ROR1: variants seen among roughly 807,000 people sequenced by gnomAD.
The protein encoded by ROR1 is inactive tyrosine-protein kinase transmembrane receptor ROR1.
Under a neutral mutation model 78.8 loss-of-function variants are expected in ROR1, and 19 were observed. The observed-to-expected ratio is 0.24, with a 90% CI of 0.17 to 0.35. ROR1 has a LOEUF of 0.35. Ranked by LOEUF, ROR1 falls within the 10% of genes least tolerant of loss-of-function variation. The pLI, the probability that ROR1 is intolerant of heterozygous loss-of-function variation, is 1.00. For missense variants in ROR1, 917 were observed against 1,177.8 expected (o/e 0.78, Z 3.24); for synonymous variants, 386 against 433.6 (o/e 0.89, Z 1.36).
chr1:64,145,899 C>T (rs1292811877), intron 7 of ROR1, among the ~76,000 whole-genome samples: 1 of 152,182 alleles, frequency 6.6e-6, no homozygotes, highest in East Asian at 1.9e-4. Context: ...GAAGCTGAGG[C>T]TGAGAAAGCC....
intron 1 of ROR1, among the ~76,000 whole-genome samples, chr1:63,949,773 C>T (rs938311025): frequency 2.1e-4 from 32 of 152,036 alleles, no homozygotes; most frequent in South Asian, 4.2e-4. Context: ...GGGGGTAGCC[C>T]GGGAACTTGA....
At chr1:64,159,699 C>T (rs1449649434) in intron 8 of ROR1, among the ~76,000 whole-genome samples, 1 of 151,912 alleles carries the variant, frequency 6.6e-6, no homozygotes, top group East Asian at 1.9e-4. Context: ...AAAAAAAATC[C>T]TTTGTATGCC....
chr1:63,912,124 CAAA>C (rs34115831), intron 1 of ROR1, among the ~76,000 whole-genome samples: 7,246 of 123,174 alleles, frequency 0.059, 592 homozygotes, highest in African/African-American at 0.2. Flanking sequence ...CCCATCTTTA[CAAA>C]AAAAAAAAAA....
rs1367171123 is a variant in ROR1 at position 63,917,841 on chromosome 1, C to T, written c.92-91464C>T. ...ATGTTGTTTTGTGGAAAGCACGTGG[C>T]ATAATGACAGGGCCTCTGCAGGCTC... On this transcript the variant is annotated intron_variant, in intron 1 of 8. Transcript: ENST00000371079. 3.3e-5 allele frequency among the ~76,000 whole-genome samples: 5 copies of T among 152,226 alleles called. No individual in the cohort carries two copies. The East Asian group carries it at 9.7e-4, about 29-fold the overall frequency.
intron 2 of ROR1, among the ~76,000 whole-genome samples, chr1:64,042,722 G>C (rs140124094): frequency 6.6e-6 from 1 of 152,278 alleles, no homozygotes; most frequent in Non-Finnish European, 1.5e-5. Context: ...TCAGCTTGTG[G>C]CTTGAACTCA....
intron 1 of ROR1, among the ~76,000 whole-genome samples, chr1:63,912,459 G>C (rs1162784418): frequency 6.6e-6 from 1 of 152,158 alleles, no homozygotes; most frequent in Non-Finnish European, 1.5e-5. Flanking sequence ...CTGTCTGAGG[G>C]AAGTGGAGAA....
Position 64,143,314 on chromosome 1 carries a change from G to A in ROR1, c.1174+664G>A, listed in dbSNP as rs1359332119. 1.1e-5 allele frequency: 10 copies of A among 945,170 alleles called. No individual in the cohort carries two copies. The African/African-American group carries it at 1.8e-4, about 17-fold the overall frequency. 58.5% of individuals were successfully genotyped at this position (945,170 alleles called of 1,614,324 possible). On this transcript the variant is annotated intron_variant, in intron 7 of 8. Transcript: ENST00000371079. ...GGCAGGAGGATCATTTGAGCCCAGG[G>A]GTTCAAGACCAGCCCAGGCAACATA...
intron 1 of ROR1, among the ~76,000 whole-genome samples, chr1:63,821,843 A>T (rs1553134558): frequency 6.6e-6 from 1 of 152,348 alleles, no homozygotes; most frequent in South Asian, 2.1e-4. Flanking sequence ...CCAGCTATTC[A>T]TGAAATATTA....
chr1:64,001,102 C>A (rs1453089362), intron 1 of ROR1, among the ~76,000 whole-genome samples: 1 of 152,066 alleles, frequency 6.6e-6, no homozygotes. Flanking sequence ...ATGTTTGCAG[C>A]GAATGGTTAA....
At chr1:64,108,539 C>T (rs892800307) in intron 4 of ROR1, 1 of 151,330 alleles carries the variant, frequency 6.6e-6, no homozygotes, top group Non-Finnish European at 1.5e-5. Context: ...TTCAACACTC[C>T]ACTTCTGGGA....
intron 1 of ROR1, among the ~76,000 whole-genome samples, chr1:63,864,518 C>CG (rs1179993809): frequency 6.6e-6 from 1 of 152,084 alleles, no homozygotes; most frequent in Admixed American, 6.5e-5. Context: ...GTTGGTATGA[C>CG]GGGGGGTAGG....
chr1:64,055,618 T>A (rs769930153), intron 4 of ROR1, among the ~76,000 whole-genome samples: 2 of 152,264 alleles, frequency 1.3e-5, no homozygotes, highest in Non-Finnish European at 2.9e-5. Flanking sequence ...AAGGGTTCCA[T>A]GCGTACTCTT....
chr1:64,050,711 A>G lies in ROR1; in HGVS notation c.477A>G (p.Gly159=). 1.2e-6 allele frequency: 2 copies of G among 1,613,714 alleles called. No homozygotes were observed. Among genetic ancestry groups the G allele is most frequent in the Non-Finnish European group, 1.7e-6 (2 of 1,179,802 alleles). Residue 159 remains glycine, a synonymous_variant, in exon 4 of 9, where the codon GGA becomes GGG. Transcript: ENST00000371079. ...GCCCCCCTCCCACTGCAAGTCCAGG[A>G]TACTCGTAAGTACTTTTATCTCCTT... ...KFGPPPTASP[G]YSDEYEEDGF...
intron 2 of ROR1, among the ~76,000 whole-genome samples, chr1:64,040,533 A>G (rs903287110): frequency 6.6e-6 from 1 of 152,174 alleles, no homozygotes; most frequent in African/African-American, 2.4e-5. Context: ...ATAATAAACT[A>G]CCATAGACTG....
chr1:63,940,624 T>C, intron 1 of ROR1, among the ~76,000 whole-genome samples: 1 of 152,104 alleles, frequency 6.6e-6, no homozygotes, highest in East Asian at 1.9e-4. Context: ...GTGGAGGAAG[T>C]AGTGAATTTG....
At chr1:64,161,716 T>C (rs1649949897) in intron 8 of ROR1, among the ~76,000 whole-genome samples, 1 of 152,234 alleles carries the variant, frequency 6.6e-6, no homozygotes, top group Non-Finnish European at 1.5e-5. Context: ...CTATGAGGCT[T>C]AGAGCTTAGC....
At chr1:64,016,733 T>TTATATATATATATATATATATA (rs58622476) in intron 2 of ROR1, among the ~76,000 whole-genome samples, 2,854 of 140,222 alleles carry the variant, frequency 0.02, 53 homozygotes, top group Middle Eastern at 0.031. Flanking sequence ...TAAAATATAA[T>TTATATATATATATATATATATA]TATATATATA....
At chr1:63,886,666 A>G (rs1569862403) in intron 1 of ROR1, among the ~76,000 whole-genome samples, 2 of 152,158 alleles carry the variant, frequency 1.3e-5, no homozygotes, top group African/African-American at 4.8e-5. Context: ...TGGCTGCTAC[A>G]TCATTTTCCC....
chr1:63,893,489 A>G (rs1645415804), intron 1 of ROR1, among the ~76,000 whole-genome samples: 1 of 152,202 alleles, frequency 6.6e-6, no homozygotes, highest in Non-Finnish European at 1.5e-5. Flanking sequence ...AATATGCCAT[A>G]TGAATAGAAA....
Sources: allele counts gnomAD v4.1 joint callset (sites outside exome capture counted in the v4.1 genomes callset), GRCh38; gene constraint gnomAD v4.1.1; transcripts MANE v1.5; gene names NCBI Gene and HGNC (gene_info 2026-07-23, HGNC 2026-07-21).